Variants in TTC27 observed in about 807,000 individuals in gnomAD.
TTC27 encodes tetratricopeptide repeat protein 27.
A neutral mutation model predicts 115.9 loss-of-function variants in TTC27; 79 were observed. The observed-to-expected ratio is 0.68, with a 90% CI of 0.57 to 0.82. The LOEUF is 0.82. Among genes scored for constraint, TTC27 ranks in the 40% least tolerant of loss-of-function variants. TTC27 has a pLI of 0.00. For synonymous variants in TTC27, 401 were observed against 356.0 expected (o/e 1.13, Z -1.42); for missense variants, 1,054 against 993.1 (o/e 1.06, Z -0.82).
chr2:32,663,584 G>T (rs1419519134), intron 5 of TTC27, among the ~76,000 whole-genome samples: 1 of 152,128 alleles, frequency 6.6e-6, no homozygotes, highest in African/African-American at 2.4e-5. Flanking sequence ...ATTTCGCTGG[G>T]AGCTGGAGAC....
At chr2:32,664,903 G>A (rs950531004) in intron 6 of TTC27, among the ~76,000 whole-genome samples, 1 of 151,714 alleles carries the variant, frequency 6.6e-6, no homozygotes, top group African/African-American at 2.4e-5. Context: ...CGTGATCTTG[G>A]CTCACTGCAA....
At chr2:32,646,154 G>A (rs536205176) in intron 4 of TTC27, among the ~76,000 whole-genome samples, 8 of 151,404 alleles carry the variant, frequency 5.3e-5, no homozygotes, top group East Asian at 2.0e-4. Flanking sequence ...TCAGCCTCCC[G>A]AGGAGCTGGG....
intron 16 of TTC27, among the ~76,000 whole-genome samples, chr2:32,791,016 T>C (rs1191773368): frequency 6.6e-6 from 1 of 152,228 alleles, no homozygotes; most frequent in Non-Finnish European, 1.5e-5. Flanking sequence ...TGTCCTAATT[T>C]TGACTAATGT....
chr2:32,764,991 A>G (rs112139031), intron 13 of TTC27, among the ~76,000 whole-genome samples: 3 of 152,302 alleles, frequency 2.0e-5, no homozygotes, highest in African/African-American at 7.2e-5. Flanking sequence ...GAACGCTTAA[A>G]AGTCATCCAT....
intron 7 of TTC27, among the ~76,000 whole-genome samples, chr2:32,669,705 C>T (rs747515572): frequency 5.3e-5 from 8 of 151,638 alleles, no homozygotes; most frequent in Non-Finnish European, 1.0e-4. Flanking sequence ...GCCAACATGC[C>T]GAAACCCCAT....
At chr2:32,753,858 G>A (rs1022993733) in intron 12 of TTC27, among the ~76,000 whole-genome samples, 1 of 152,108 alleles carries the variant, frequency 6.6e-6, no homozygotes, top group Admixed American at 6.5e-5. Flanking sequence ...CAGATCACTT[G>A]TGGTCAGGAG....
At chr2:32,663,324 C>T (rs1385988713) in intron 5 of TTC27, among the ~76,000 whole-genome samples, 2 of 152,332 alleles carry the variant, frequency 1.3e-5, no homozygotes, top group Admixed American at 1.3e-4. Flanking sequence ...AGGGAATCTC[C>T]TGGCCTGCAG....
chr2:32,701,841 C>CA (rs1667193297), intron 9 of TTC27, among the ~76,000 whole-genome samples: 1 of 151,706 alleles, frequency 6.6e-6, no homozygotes, highest in Non-Finnish European at 1.5e-5. Flanking sequence ...CCTGTCTCTA[C>CA]AAAAAATAAA....
intron 14 of TTC27, among the ~76,000 whole-genome samples, chr2:32,782,173 C>G (rs1314381866): frequency 6.6e-6 from 1 of 152,076 alleles, no homozygotes; most frequent in African/African-American, 2.4e-5. Context: ...AGAGAAATAT[C>G]TTTGATGGAT....
At chr2:32,639,595 T>C (rs1394665628) in intron 3 of TTC27, among the ~76,000 whole-genome samples, 4 of 152,234 alleles carry the variant, frequency 2.6e-5, no homozygotes, top group Admixed American at 1.3e-4. Flanking sequence ...CTATTTACTA[T>C]AAATACTTTA....
rs1572482959 is a variant in TTC27, at chr2:32,656,946, G to C, written c.640+6713G>C. 2.0e-5 allele frequency among the ~76,000 whole-genome samples: 3 copies of C among 150,956 alleles called. No individual in the cohort carries two copies. In the South Asian group the frequency reaches 6.3e-4, roughly 32 times the overall value. On this transcript the variant is annotated intron_variant, in intron 5 of 19. Transcript: ENST00000317907. Reference sequence around the variant, plus strand: ...CCTACCCTACCCCATTTTTAGGGAAGAATAGGACTTAAACCTTGCAGTAAG... The same window carrying C: ...CCTACCCTACCCCATTTTTAGGGAACAATAGGACTTAAACCTTGCAGTAAG...
intron 6 of TTC27, among the ~76,000 whole-genome samples, chr2:32,665,950 T>A (rs1356017048): frequency 6.6e-6 from 1 of 152,142 alleles, no homozygotes; most frequent in Non-Finnish European, 1.5e-5. Context: ...TCAGTGGCTA[T>A]CTTCAGCATA....
intron 16 of TTC27, among the ~76,000 whole-genome samples, chr2:32,790,536 T>G (rs1435224087): frequency 6.6e-6 from 1 of 152,202 alleles, no homozygotes; most frequent in Non-Finnish European, 1.5e-5. Flanking sequence ...ATCAGGCTGA[T>G]TAACATACCC....
chr2:32,810,991 C>T (rs768760019), intron 16 of TTC27, 33 bp from the exon 17 acceptor site: 2 of 1,608,930 alleles, frequency 1.2e-6, no homozygotes, highest in Non-Finnish European at 1.7e-6. Context: ...TTGTTGGTTT[C>T]TAACTTACCA....
chr2:32,631,289 C>T (rs767572559), intron 2 of TTC27, among the ~76,000 whole-genome samples: 2 of 151,862 alleles, frequency 1.3e-5, no homozygotes, highest in Non-Finnish European at 2.9e-5. Context: ...GGCGACAGAG[C>T]GAGACTCTGT....
chr2:32,670,732 C>T (rs976602054), intron 7 of TTC27, among the ~76,000 whole-genome samples: 2 of 152,116 alleles, frequency 1.3e-5, no homozygotes, highest in Non-Finnish European at 2.9e-5. Context: ...ATTCTCCTGC[C>T]TCAGCCTCCC....
At position 32,652,766 on chromosome 2, in the gene TTC27, A is replaced by G. The variant is rs181206645; in HGVS notation, c.640+2533A>G. 3.2e-3 allele frequency among the ~76,000 whole-genome samples: 490 copies of G among 152,340 alleles called. 3 individuals are homozygous for G. The highest frequency in any genetic ancestry group is 0.011 in the African/African-American group (468 of 41,580). On this transcript the variant is annotated intron_variant, in intron 5 of 19. Transcript: ENST00000317907. Reference sequence around the variant, plus strand: ...TTCTGGGATTTGATCCAAATGTAATAACTGAAATACGATTCAGCGTCCAGA... The same window carrying G: ...TTCTGGGATTTGATCCAAATGTAATGACTGAAATACGATTCAGCGTCCAGA...
intron 16 of TTC27, among the ~76,000 whole-genome samples, chr2:32,804,507 G>T (rs1454535746): frequency 6.6e-6 from 1 of 152,124 alleles, no homozygotes; most frequent in African/African-American, 2.4e-5. Flanking sequence ...TGGTCTATCA[G>T]TCCAGTGGAA....
At chr2:32,817,592 T>G (rs1469968775) in intron 19 of TTC27, 35 bp downstream of exon 19, 6 of 1,569,826 alleles carry the variant, frequency 3.8e-6, no homozygotes, top group Non-Finnish European at 5.3e-6. Context: ...GGAATTGTCA[T>G]ATAGAAAAAG....
Sources: gnomAD v4.1 joint callset for allele counts (sites outside exome capture counted in the v4.1 genomes callset) on GRCh38, gnomAD v4.1.1 for gene constraint, MANE v1.5 for transcripts, NCBI Gene and HGNC (gene_info 2026-07-23, HGNC 2026-07-21) for gene names.